Variants in MBOAT1 observed in about 807,000 individuals in gnomAD.
MBOAT1 encodes membrane-bound glycerophospholipid O-acyltransferase 1.
A neutral mutation model predicts 64.4 loss-of-function variants in MBOAT1; 67 were observed. The observed-to-expected ratio is 1.04, with a 90% CI of 0.85 to 1.27. MBOAT1 has a LOEUF of 1.27. Ranked by LOEUF, MBOAT1 falls within the 50% of genes most tolerant of loss-of-function variation. The pLI, the probability that MBOAT1 is intolerant of heterozygous loss-of-function variation, is 0.00. For missense variants in MBOAT1, 563 were observed against 604.6 expected (o/e 0.93, Z 0.72); for synonymous variants, 229 against 218.9 (o/e 1.05, Z -0.41).
rs1760068978 is a variant in MBOAT1 at position 20,109,729 on chromosome 6, A to G, written c.1230T>C (p.His410=). 1.2e-6 allele frequency: 2 copies of G among 1,614,050 alleles called. No homozygotes were observed. The highest frequency in any genetic ancestry group is 1.7e-6 in the Non-Finnish European group (2 of 1,179,952). ...TGAGAGCTCTTGAAGAAAGGAAGTA[A>G]TGTCTGTAGTTGTTCCTGACCTGCA... ...AARAVRNNYR[H]YFLSSRALKA... is the part of the protein sequence containing the mutation. The change falls in exon 12 of 13, where the codon CAT becomes CAC. Residue 410 remains histidine, a synonymous_variant. Transcript: ENST00000324607.
At chr6:20,182,946 T>G (rs987410497) in intron 1 of MBOAT1, among the ~76,000 whole-genome samples, 5 of 152,180 alleles carry the variant, frequency 3.3e-5, no homozygotes, top group Admixed American at 2.6e-4. Context: ...AGGGAATTTT[T>G]CACAGATAGA....
intron 1 of MBOAT1, among the ~76,000 whole-genome samples, chr6:20,193,455 G>T (rs1299741131): frequency 6.6e-6 from 1 of 152,104 alleles, no homozygotes; most frequent in Non-Finnish European, 1.5e-5. Flanking sequence ...AGACTACCTT[G>T]GTGAGCAATG....
At chr6:20,180,702 C>A (rs1025914493) in intron 1 of MBOAT1, among the ~76,000 whole-genome samples, 8 of 152,222 alleles carry the variant, frequency 5.3e-5, no homozygotes, top group Non-Finnish European at 7.3e-5. Flanking sequence ...ATATGAATTT[C>A]TGGCTTTTAA....
chr6:20,131,074 A>C lies in MBOAT1; in HGVS notation c.475+70T>G, dbSNP rs145337958. 4 of 1,344,058 alleles carry C rather than the reference A, an allele frequency of 3.0e-6. 1 individual carries two copies. In the East Asian group the frequency reaches 6.9e-5, roughly 23 times the overall value. 83.3% of individuals were successfully genotyped at this position (1,344,058 alleles called of 1,614,324 possible). On this transcript the variant is annotated intron_variant, in intron 5 of 12. Coordinates refer to ENST00000324607, the MANE Select transcript of MBOAT1 (RefSeq NM_001080480.3). ...TTTGTCTAAACTTTGGACTGTGTAC[A>C]TAGTATAAAAAGAAGAGCTCTGCAT...
At chr6:20,111,870 A>ATATATATACATATATATACG (rs1561746387) in intron 11 of MBOAT1, among the ~76,000 whole-genome samples, 38 of 117,066 alleles carry the variant, frequency 3.2e-4, no homozygotes, top group African/African-American at 1.2e-3. Flanking sequence ...ATATATATAC[A>ATATATATACATATATATACG]TATATATATG....
chr6:20,200,850 C>T (rs1030733124), intron 1 of MBOAT1, among the ~76,000 whole-genome samples: 14 of 152,068 alleles, frequency 9.2e-5, no homozygotes, highest in South Asian at 2.1e-4. Context: ...GGTGTATGTC[C>T]GCTGCTTGAA....
At chr6:20,112,623 C>T (rs1322698012) in intron 11 of MBOAT1, among the ~76,000 whole-genome samples, 1 of 152,182 alleles carries the variant, frequency 6.6e-6, no homozygotes, top group African/African-American at 2.4e-5. Context: ...GGGTACTAAA[C>T]ATTGTCCCTA....
chr6:20,183,346 C>T (rs1206658859), intron 1 of MBOAT1, among the ~76,000 whole-genome samples: 1 of 152,194 alleles, frequency 6.6e-6, no homozygotes, highest in Non-Finnish European at 1.5e-5. Context: ...TGAGCAGGTG[C>T]CACAACCAGC....
chr6:20,150,045 T>G (rs1761443854), intron 3 of MBOAT1, among the ~76,000 whole-genome samples: 2 of 152,162 alleles, frequency 1.3e-5, no homozygotes, highest in African/African-American at 4.8e-5. Context: ...AATCTTTGTT[T>G]TCATAGAACT....
intron 10 of MBOAT1, among the ~76,000 whole-genome samples, chr6:20,114,240 T>C (rs1331442607): frequency 6.6e-6 from 1 of 152,216 alleles, no homozygotes; most frequent in African/African-American, 2.4e-5. Context: ...ATGCTGCTTA[T>C]CAAAACAGTG....
intron 1 of MBOAT1, among the ~76,000 whole-genome samples, chr6:20,191,760 T>C (rs1325117136): frequency 6.6e-6 from 1 of 152,196 alleles, no homozygotes; most frequent in Non-Finnish European, 1.5e-5. Flanking sequence ...AAGCAGTCAA[T>C]TTTAAAAGGC....
chr6:20,123,778 T>C (rs907984709), intron 8 of MBOAT1, among the ~76,000 whole-genome samples: 8 of 152,152 alleles, frequency 5.3e-5, no homozygotes, highest in East Asian at 1.9e-4. Context: ...AGATCAAGGC[T>C]GGGCGTGGTG....
rs369053446 is a variant in MBOAT1, at chr6:20,112,992, C to A, written c.1093G>T (p.Val365Phe). The change falls in exon 11 of 13, where the codon GTT becomes TTT. Residue 365 changes from valine (V) to phenylalanine (F), a missense_variant. By Grantham distance (50) the Val-to-Phe change is conservative. Coordinates refer to ENST00000324607, the MANE Select transcript of MBOAT1 (RefSeq NM_001080480.3). ...GTTAGCACCGTGGGGTACCATGGAA[C>A]CCGCTGATAGCACACACTGTGAAGA... Reference protein sequence around the residue: ...TWLKCVCYQRVPWYPTVLTFI... With the variant: ...TWLKCVCYQRFPWYPTVLTFI... 121 of 1,613,788 alleles carry A rather than the reference C, an allele frequency of 7.5e-5. No individual in the cohort carries two copies. Among genetic ancestry groups the A allele is most frequent in the Non-Finnish European group, 1.9e-5 (22 of 1,179,888 alleles).
At chr6:20,141,167 G>A (rs1477070665) in intron 4 of MBOAT1, among the ~76,000 whole-genome samples, 1 of 152,092 alleles carries the variant, frequency 6.6e-6, no homozygotes, top group Non-Finnish European at 1.5e-5. Context: ...ATAGGAAAGG[G>A]CTTTCTATCA....
chr6:20,134,201 C>T (rs1169862837), intron 4 of MBOAT1, among the ~76,000 whole-genome samples: 3 of 152,186 alleles, frequency 2.0e-5, no homozygotes, highest in Non-Finnish European at 2.9e-5. Flanking sequence ...AAACAAATCT[C>T]TTACATGCCT....
chr6:20,117,472 C>T (rs1403700149), intron 9 of MBOAT1, among the ~76,000 whole-genome samples: 1 of 152,180 alleles, frequency 6.6e-6, no homozygotes, highest in Non-Finnish European at 1.5e-5. Context: ...CCTATAAATT[C>T]CACCATGTTT....
chr6:20,123,786 G>A (rs1760562612), intron 8 of MBOAT1, among the ~76,000 whole-genome samples: 1 of 152,124 alleles, frequency 6.6e-6, no homozygotes, highest in Non-Finnish European at 1.5e-5. Context: ...GCTGGGCGTG[G>A]TGGCTCACAC....
chr6:20,169,876 T>G (rs1762140098), intron 1 of MBOAT1, among the ~76,000 whole-genome samples: 1 of 152,194 alleles, frequency 6.6e-6, no homozygotes, highest in South Asian at 2.1e-4. Flanking sequence ...CCTCCCTTTG[T>G]GCCATAAATG....
intron 8 of MBOAT1, 84 bp downstream of exon 8, chr6:20,124,324 G>C: frequency 7.2e-7 from 1 of 1,394,676 alleles, no homozygotes; most frequent in East Asian, 2.3e-5. Context: ...CTTTGATGAA[G>C]TGATCCAAAA....
Sources: allele counts gnomAD v4.1 joint callset (sites outside exome capture counted in the v4.1 genomes callset), GRCh38; gene constraint gnomAD v4.1.1; transcripts MANE v1.5; gene names NCBI Gene and HGNC (gene_info 2026-07-23, HGNC 2026-07-21).